NPR3: variants seen among roughly 807,000 people sequenced by gnomAD.
NPR3 encodes natriuretic peptide receptor 3.
A neutral mutation model predicts 54.5 loss-of-function variants in NPR3; 34 were observed. The observed-to-expected ratio is 0.62, with a 90% confidence interval of 0.47 to 0.83. The LOEUF (loss-of-function observed/expected upper bound fraction) is 0.83. Ranked by LOEUF, NPR3 falls within the 40% of genes least tolerant of loss-of-function variation. The pLI is 0.00. For missense variants in NPR3, 674 were observed against 720.8 expected (o/e 0.94, Z 0.74); for synonymous variants, 289 against 297.1 (o/e 0.97, Z 0.28).
intron 3 of NPR3, among the ~76,000 whole-genome samples, chr5:32,754,640 GA>G (rs1307647752): frequency 6.6e-6 from 1 of 152,090 alleles, no homozygotes; most frequent in Non-Finnish European, 1.5e-5. Context: ...CCTCTGGGGT[GA>G]ACTTGCTTCT....
At chr5:32,713,392 C>T in intron 1 of NPR3, 1 of 985,430 alleles carries the variant, frequency 1.0e-6, no homozygotes, top group Non-Finnish European at 1.2e-6. Context: ...CTTCGGGGAG[C>T]GGGGGGACGC....
chr5:32,741,771 C>CTT (rs201317249), intron 3 of NPR3, among the ~76,000 whole-genome samples: 5,983 of 146,162 alleles, frequency 0.041, 152 homozygotes, highest in Middle Eastern at 0.096. Flanking sequence ...GGGGCTTTTT[C>CTT]TTTTTTTTTT....
At chr5:32,761,102 C>T (rs1234546355) in intron 3 of NPR3, among the ~76,000 whole-genome samples, 2 of 152,052 alleles carry the variant, frequency 1.3e-5, no homozygotes, top group African/African-American at 4.8e-5. Context: ...GCAATGTGAG[C>T]CCCCTAATTT....
Position 32,774,736 on chromosome 5 carries a change from A to G in NPR3, c.1088A>G (p.Asp363Gly), listed in dbSNP as rs1741953064. ...YVNMFVEGFHDAILLYVLALH... is the reference protein window; with the variant it reads ...YVNMFVEGFHGAILLYVLALH... Reference sequence around the variant, plus strand: ...AACATGTTTGTTGAAGGATTCCACGATGCCATCCTCCTCTACGTCTTGGCT... The same window carrying G: ...AACATGTTTGTTGAAGGATTCCACGGTGCCATCCTCCTCTACGTCTTGGCT... The change falls in exon 4 of 8, where the codon GAT becomes GGT. Residue 363 changes from aspartate (D) to glycine (G), a missense_variant. Coordinates refer to ENST00000265074, the MANE Select transcript of NPR3 (RefSeq NM_001204375.2). The G allele has an allele frequency of 6.2e-7, 1 of 1,611,010 alleles. No individual in the cohort carries two copies.
At position 32,786,412 on chromosome 5, in the gene NPR3, T is replaced by C. The variant is rs570571044; in HGVS notation, c.*67T>C. On this transcript the variant is annotated 3_prime_UTR_variant, in exon 8 of 8. Transcript: ENST00000265074. ...AAGGAGATAGACGGGTTGAAAGACA[T>C]CAATGAAACAGAAGGGGCGTTCTTG... is the stretch of plus-strand genomic sequence containing the variant. 5.0e-5 allele frequency: 34 copies of C among 683,334 alleles called. No individual in the cohort carries two copies. The African/African-American group carries it at 5.0e-4, about 10-fold the overall frequency. 42.3% of individuals were successfully genotyped at this position (683,334 alleles called of 1,614,324 possible). A position where few individuals can be genotyped will look rare whatever the true frequency, so the allele number is the denominator to read the frequency against.
At chr5:32,739,350 C>T (rs953970035) in intron 3 of NPR3, among the ~76,000 whole-genome samples, 1 of 152,036 alleles carries the variant, frequency 6.6e-6, no homozygotes, top group Non-Finnish European at 1.5e-5. Context: ...AGACTTCCAT[C>T]ACGTATTTGA....
At chr5:32,783,385 A>C (rs1742438964) in intron 6 of NPR3, 1 of 187,712 alleles carries the variant, frequency 5.3e-6, no homozygotes, top group Admixed American at 5.9e-5. Context: ...GTTTGTGGTT[A>C]CTTTCCAGCT....
chr5:32,752,162 C>T (rs1252536408), intron 3 of NPR3, among the ~76,000 whole-genome samples: 1 of 152,136 alleles, frequency 6.6e-6, no homozygotes, highest in African/African-American at 2.4e-5. Flanking sequence ...CAAGATCATA[C>T]CATTGCAATC....
chr5:32,775,720 C>A (rs1742011119), intron 4 of NPR3, among the ~76,000 whole-genome samples: 1 of 152,116 alleles, frequency 6.6e-6, no homozygotes, highest in Non-Finnish European at 1.5e-5. Flanking sequence ...ACCTCAGCCT[C>A]CTGAGTAGCT....
chr5:32,755,819 G>T (rs1740806327), intron 3 of NPR3, among the ~76,000 whole-genome samples: 1 of 152,118 alleles, frequency 6.6e-6, no homozygotes, highest in Non-Finnish European at 1.5e-5. Context: ...TGTTCTCATT[G>T]TTCAATTCCC....
chr5:32,783,252 A>G, intron 6 of NPR3: 1 of 433,146 alleles, frequency 2.3e-6, no homozygotes. Context: ...TCCTATTTTT[A>G]CATCTCTTAC....
intron 3 of NPR3, among the ~76,000 whole-genome samples, chr5:32,767,165 C>T (rs1416071031): frequency 6.6e-6 from 1 of 152,202 alleles, no homozygotes; most frequent in Non-Finnish European, 1.5e-5. Flanking sequence ...CAATTAAAAA[C>T]ACAAACTGGA....
At chr5:32,734,873 T>G (rs1165991477) in intron 2 of NPR3, among the ~76,000 whole-genome samples, 1 of 152,256 alleles carries the variant, frequency 6.6e-6, no homozygotes, top group Non-Finnish European at 1.5e-5. Flanking sequence ...TCGATCTTGT[T>G]GCCATCCATC....
At chr5:32,779,505 T>C (rs978181946) in intron 4 of NPR3, among the ~76,000 whole-genome samples, 1 of 152,210 alleles carries the variant, frequency 6.6e-6, no homozygotes, top group Non-Finnish European at 1.5e-5. Flanking sequence ...CAGCCTTACG[T>C]GTCACTGACT....
chr5:32,763,391 C>T (rs1351141248), intron 3 of NPR3, among the ~76,000 whole-genome samples: 2 of 152,028 alleles, frequency 1.3e-5, no homozygotes, highest in Non-Finnish European at 2.9e-5. Flanking sequence ...AGCTGCAGTG[C>T]AGCTCACTGC....
chr5:32,720,027 A>C (rs930853148), intron 1 of NPR3, among the ~76,000 whole-genome samples: 1 of 152,198 alleles, frequency 6.6e-6, no homozygotes, highest in African/African-American at 2.4e-5. Flanking sequence ...GCAGTTGAAC[A>C]TGGATTTAGA....
In NPR3 at chr5:32,761,404, A is replaced by T. The variant is rs186936090; in HGVS notation, c.1060-13304A>T. On this transcript the variant is annotated intron_variant, in intron 3 of 7. Coordinates refer to ENST00000265074, the MANE Select transcript of NPR3 (RefSeq NM_001204375.2). Reference sequence around the variant, plus strand: ...AAGATCCTGCACATTTCTGATTTTTAAAAAAAATAATTTTTTGTCTTTTGC... The same window carrying T: ...AAGATCCTGCACATTTCTGATTTTTTAAAAAAATAATTTTTTGTCTTTTGC... Among the ~76,000 whole-genome samples, 464 of 152,080 alleles carry T rather than the reference A, an allele frequency of 3.1e-3. 6 individuals are homozygous for T. In the South Asian group the frequency reaches 0.05, roughly 17 times the overall value.
intron 3 of NPR3, among the ~76,000 whole-genome samples, chr5:32,770,719 A>G (rs903222087): frequency 6.6e-6 from 1 of 152,218 alleles, no homozygotes; most frequent in African/African-American, 2.4e-5. Flanking sequence ...TGGAAACTGC[A>G]TTGTTCTCTT....
Position 32,712,130 on chromosome 5 carries a change from C to T in NPR3, c.354C>T (p.Asp118=). 2 of 1,613,574 alleles carry T rather than the reference C, an allele frequency of 1.2e-6. No homozygotes were observed. The highest frequency in any genetic ancestry group is 1.7e-6 in the Non-Finnish European group (2 of 1,179,800). The change falls in exon 1 of 8, where the codon GAC becomes GAT. Residue 118 remains aspartate, a synonymous_variant. Coordinates refer to ENST00000265074, the MANE Select transcript of NPR3 (RefSeq NM_001204375.2). ...ACCGTGCGCTCTTCAGCTTGGTGGA[C>T]CGCGTGGCGGCGGCGCGGGGCGCCA... ...CGNRALFSLV[D]RVAAARGAKP...
Sources: gnomAD v4.1 joint callset for allele counts (sites outside exome capture counted in the v4.1 genomes callset) on GRCh38, gnomAD v4.1.1 for gene constraint, MANE v1.5 for transcripts, NCBI Gene and HGNC (gene_info 2026-07-23, HGNC 2026-07-21) for gene names.